Variants in AP1AR observed in about 807,000 individuals in gnomAD.
The protein encoded by AP1AR is AP-1 complex-associated regulatory protein.
In AP1AR, 29 loss-of-function variants were observed where a neutral mutation model predicts 46.3. That is an observed-to-expected ratio of 0.63 (90% CI 0.47 to 0.85). The LOEUF is 0.85. AP1AR is among the 40% of genes least tolerant of loss of function. AP1AR has a pLI of 0.00. For missense variants in AP1AR, 357 were observed against 356.3 expected (o/e 1.00, Z -0.02); for synonymous variants, 122 against 122.9 (o/e 0.99, Z 0.05).
At chr4:112,234,699 G>A (rs1316063076) in intron 1 of AP1AR, among the ~76,000 whole-genome samples, 1 of 149,508 alleles carries the variant, frequency 6.7e-6, no homozygotes, top group Non-Finnish European at 1.5e-5. Flanking sequence ...TTTCTTTCAA[G>A]TATAGGTCTG....
chr4:112,257,872 T>C, intron 4 of AP1AR, 75 bp downstream of exon 4: 1 of 1,305,356 alleles, frequency 7.7e-7, no homozygotes, highest in South Asian at 1.6e-5. Context: ...AGTCAGGCTT[T>C]ATCATTTGCT....
chr4:112,270,764 A>G lies in AP1AR; in HGVS notation c.*2355A>G, dbSNP rs1483550784. On this transcript the variant is annotated 3_prime_UTR_variant, in exon 10 of 10. Coordinates refer to ENST00000274000, the MANE Select transcript of AP1AR (RefSeq NM_018569.6). Reference sequence around the variant, plus strand: ...TGGTATGAGATGATACTGGAGTGGTAGTTAAGGGCCAGATGATGCAAGACC... The same window carrying G: ...TGGTATGAGATGATACTGGAGTGGTGGTTAAGGGCCAGATGATGCAAGACC... Among the ~76,000 whole-genome samples, 2 of 152,146 alleles carry G rather than the reference A, an allele frequency of 1.3e-5. No homozygotes were observed. Among genetic ancestry groups the G allele is most frequent in the Non-Finnish European group, 2.9e-5 (2 of 68,022 alleles).
chr4:112,258,506 A>T (rs1343277923), intron 4 of AP1AR, among the ~76,000 whole-genome samples: 9 of 152,064 alleles, frequency 5.9e-5, no homozygotes, highest in Non-Finnish European at 8.8e-5. Context: ...AATAGTGATT[A>T]TAGAACATTC....
intron 1 of AP1AR, among the ~76,000 whole-genome samples, chr4:112,250,179 A>T (rs1050459801): frequency 6.6e-6 from 1 of 152,232 alleles, no homozygotes; most frequent in African/African-American, 2.4e-5. Context: ...GTAGTGAAGG[A>T]TTGATTGCCA....
At chr4:112,236,524 G>C (rs767147353) in intron 1 of AP1AR, among the ~76,000 whole-genome samples, 2 of 151,252 alleles carry the variant, frequency 1.3e-5, no homozygotes, top group African/African-American at 4.9e-5. Context: ...CCTCAGCTCC[G>C]CAAGTAGCTG....
chr4:112,251,141 C>T (rs1341818112), intron 1 of AP1AR, among the ~76,000 whole-genome samples: 1 of 152,158 alleles, frequency 6.6e-6, no homozygotes, highest in East Asian at 1.9e-4. Context: ...CTCTCTAGAG[C>T]TCTCAGAAGG....
At chr4:112,261,111 A>G (rs992883818) in intron 5 of AP1AR, among the ~76,000 whole-genome samples, 2 of 152,236 alleles carry the variant, frequency 1.3e-5, no homozygotes, top group African/African-American at 4.8e-5. Flanking sequence ...TTCACAAAGT[A>G]GGAACTCTGG....
chr4:112,266,302 T>G (rs1239216964), intron 8 of AP1AR, among the ~76,000 whole-genome samples: 1 of 151,786 alleles, frequency 6.6e-6, no homozygotes, highest in Non-Finnish European at 1.5e-5. Context: ...TGCCGCTTTG[T>G]AATTGACTGT....
intron 1 of AP1AR, among the ~76,000 whole-genome samples, chr4:112,239,781 C>A (rs188231700): frequency 6.6e-6 from 1 of 152,174 alleles, no homozygotes; most frequent in African/African-American, 2.4e-5. Context: ...TTGTAGACTC[C>A]GAGCATTTGT....
In AP1AR at chr4:112,266,565, A is replaced by G. The variant is rs755846177; in HGVS notation, c.515-23A>G. 2.1e-5 allele frequency: 33 copies of G among 1,604,822 alleles called. No homozygotes were observed. In the East Asian group the frequency reaches 4.0e-4, roughly 20 times the overall value. ...GTGGAAGAGTAGATGAGAGTATTCA[A>G]TTGTATTTCGTGTATATTCTAGGAC... On this transcript the variant is annotated intron_variant, in intron 8 of 9. Coordinates refer to ENST00000274000, the MANE Select transcript of AP1AR (RefSeq NM_018569.6).
intron 3 of AP1AR, among the ~76,000 whole-genome samples, chr4:112,255,114 T>C (rs28676641): frequency 0.59 from 88,969 of 150,798 alleles, 27,522 homozygotes; most frequent in African/African-American, 0.8. Context: ...CGCCCGCCAC[T>C]ACGCCCGGCT....
Position 112,265,795 on chromosome 4 carries a change from T to A in AP1AR, c.502T>A (p.Phe168Ile). 6.2e-7 allele frequency: 1 copy of A among 1,608,326 alleles called. No individual in the cohort carries two copies. The highest frequency in any genetic ancestry group is 8.5e-7 in the Non-Finnish European group (1 of 1,176,388). The change falls in exon 8 of 10, where the codon TTT (phenylalanine) becomes ATT (isoleucine). Residue 168 changes from phenylalanine (F) to isoleucine (I), a missense_variant. Physicochemically the swap from Phe to Ile is conservative, Grantham distance 21. Coordinates refer to ENST00000274000, the MANE Select transcript of AP1AR (RefSeq NM_018569.6). ...LRNMKSQYEVFRSSRLSSDAT... is the reference protein window; with the variant it reads ...LRNMKSQYEVIRSSRLSSDAT... Reference sequence around the variant, plus strand: ...AAATATGAAGTCACAGTATGAAGTTTTTCGAAGTAGTAGTAAGTTTTTTAA... The same window carrying A: ...AAATATGAAGTCACAGTATGAAGTTATTCGAAGTAGTAGTAAGTTTTTTAA...
chr4:112,240,623 C>T (rs1433072454), intron 1 of AP1AR, among the ~76,000 whole-genome samples: 3 of 152,136 alleles, frequency 2.0e-5, no homozygotes, highest in Non-Finnish European at 4.4e-5. Flanking sequence ...TTTCACTCCC[C>T]CTTGCCTTTG....
chr4:112,237,773 T>C (rs968978354), intron 1 of AP1AR, among the ~76,000 whole-genome samples: 4 of 152,190 alleles, frequency 2.6e-5, no homozygotes, highest in African/African-American at 7.2e-5. Flanking sequence ...TGATATTCCT[T>C]CTTTTTTTAG....
At chr4:112,246,133 A>G (rs1725716194) in intron 1 of AP1AR, among the ~76,000 whole-genome samples, 1 of 152,164 alleles carries the variant, frequency 6.6e-6, no homozygotes, top group South Asian at 2.1e-4. Flanking sequence ...TAATAATGAA[A>G]TATTACTACA....
Position 112,273,024 on chromosome 4 carries a change from G to A in AP1AR, c.*4615G>A, listed in dbSNP as rs1727018502. Reference sequence around the variant, plus strand: ...TGGTTAATTGTCTGACAGTAAAGGAGTTCACAAAAGAAATCTGAGATTCCA... The same window carrying A: ...TGGTTAATTGTCTGACAGTAAAGGAATTCACAAAAGAAATCTGAGATTCCA... On this transcript the variant is annotated 3_prime_UTR_variant, in exon 10 of 10. Transcript: ENST00000274000. The A allele has an allele frequency of 6.6e-6, 1 of 151,866 alleles. No homozygotes were observed. Among genetic ancestry groups the A allele is most frequent in the Non-Finnish European group, 1.5e-5 (1 of 67,994 alleles). 9.4% of individuals were successfully genotyped at this position (151,866 alleles called of 1,614,324 possible). A position where few individuals can be genotyped will look rare whatever the true frequency, so the allele number is the denominator to read the frequency against.
chr4:112,239,604 TA>T (rs1725394268), intron 1 of AP1AR, among the ~76,000 whole-genome samples: 1 of 152,236 alleles, frequency 6.6e-6, no homozygotes, highest in East Asian at 1.9e-4. Flanking sequence ...ATGTCTTTTT[TA>T]TCTCTTAAAT....
At chr4:112,245,063 G>A (rs771603900) in intron 1 of AP1AR, among the ~76,000 whole-genome samples, 2 of 151,904 alleles carry the variant, frequency 1.3e-5, no homozygotes, top group Non-Finnish European at 2.9e-5. Flanking sequence ...AAAAAAGTAG[G>A]GTGGCTATTC....
chr4:112,252,389 C>T (rs891801678), intron 1 of AP1AR, among the ~76,000 whole-genome samples: 10 of 152,200 alleles, frequency 6.6e-5, no homozygotes, highest in African/African-American at 2.4e-4. Context: ...GTGGAGTTCT[C>T]CATCAGTTTT....
Sources: gnomAD v4.1 joint callset for allele counts (sites outside exome capture counted in the v4.1 genomes callset) on GRCh38, gnomAD v4.1.1 for gene constraint, MANE v1.5 for transcripts, NCBI Gene and HGNC (gene_info 2026-07-23, HGNC 2026-07-21) for gene names.